Variants in NPAS2 observed in about 807,000 individuals in gnomAD.
NPAS2 encodes neuronal PAS domain-containing protein 2.
A neutral mutation model predicts 107.5 loss-of-function variants in NPAS2; 23 were observed. The observed-to-expected ratio is 0.21, with a 90% confidence interval of 0.15 to 0.30. NPAS2 has a LOEUF of 0.30. NPAS2 is among the 10% of genes least tolerant of loss of function. The pLI, the probability that NPAS2 is intolerant of heterozygous loss-of-function variation, is 1.00. For missense variants in NPAS2, 756 were observed against 1,043.3 expected (o/e 0.72, Z 3.79); for synonymous variants, 403 against 417.5 (o/e 0.97, Z 0.42).
chr2:100,978,526 A>AAAAGAAAGAAAGAAAGAAAGAAAG (rs137857480), intron 15 of NPAS2, among the ~76,000 whole-genome samples: 1 of 151,520 alleles, frequency 6.6e-6, no homozygotes, highest in African/African-American at 2.4e-5. Context: ...TGTTTAAAAA[A>AAAAGAAAGAAAGAAAGAAAGAAAG]AAAGAAAGAA....
rs929702367 is a variant in NPAS2, at chr2:100,820,468, G to T, written c.-23+54G>T. On this transcript the variant is annotated intron_variant, in intron 1 of 20. Transcript: ENST00000335681. The surrounding 1 kb of genome is among the most constrained non-coding windows in gnomAD (Gnocchi z 5.6). ...GACCCAGGGTGGGTAGTACGTGCGC[G>T]CGGGGTCGCAGGACTCGGTCACCTG... 1 of 151,730 alleles carries T rather than the reference G, an allele frequency of 6.6e-6. No homozygotes were observed. Among genetic ancestry groups the T allele is most frequent in the African/African-American group, 2.4e-5 (1 of 41,368 alleles). The allele number at this position is 151,730 out of a possible 1,614,324, so 9.4% of individuals were successfully genotyped here. A position where few individuals can be genotyped will look rare whatever the true frequency, so the allele number is the denominator to read the frequency against.
chr2:100,936,979 CAAAAA>C (rs34968729), intron 4 of NPAS2, among the ~76,000 whole-genome samples: 1 of 74,650 alleles, frequency 1.3e-5, no homozygotes, highest in Non-Finnish European at 2.7e-5. Context: ...GACTCCATCT[CAAAAA>C]AAAAAAAAAA....
At chr2:100,856,355 C>T (rs1349393031) in intron 1 of NPAS2, among the ~76,000 whole-genome samples, 2 of 152,196 alleles carry the variant, frequency 1.3e-5, no homozygotes, top group African/African-American at 4.8e-5. Flanking sequence ...CATTCCCGAG[C>T]ACAGGCTCCC....
chr2:100,824,397 C>T (rs904903173), intron 1 of NPAS2, among the ~76,000 whole-genome samples: 3 of 152,194 alleles, frequency 2.0e-5, no homozygotes, highest in Non-Finnish European at 4.4e-5. Flanking sequence ...TTTCTTGGTA[C>T]TTAAGCTGTA....
chr2:100,928,049 C>T (rs1313049832), intron 3 of NPAS2, among the ~76,000 whole-genome samples: 7 of 152,060 alleles, frequency 4.6e-5, no homozygotes, highest in Admixed American at 1.3e-4. Flanking sequence ...AAAGAGGGTG[C>T]GGCTGGGACA....
At chr2:100,924,422 G>A (rs1313864409) in intron 2 of NPAS2, among the ~76,000 whole-genome samples, 1 of 152,230 alleles carries the variant, frequency 6.6e-6, no homozygotes, top group Non-Finnish European at 1.5e-5. Context: ...TCTTTGTGCT[G>A]TCTCTGTAGT....
chr2:100,819,754 C>T (rs1675939533), upstream of NPAS2, among the ~76,000 whole-genome samples: 1 of 151,704 alleles, frequency 6.6e-6, no homozygotes, highest in Non-Finnish European at 1.5e-5. This position sits in a 1 kb window ranked among gnomAD's most constrained non-coding sequence, Gnocchi z 5.8. Context: ...CTCTAGTCCA[C>T]TTGCCTCTCC....
At chr2:100,969,172 CCTTT>C (rs1676402064) in intron 11 of NPAS2, among the ~76,000 whole-genome samples, 1 of 151,552 alleles carries the variant, frequency 6.6e-6, no homozygotes, top group Non-Finnish European at 1.5e-5. Context: ...GGACAGCATG[CCTTT>C]CTTTTTTTTT....
intron 1 of NPAS2, among the ~76,000 whole-genome samples, chr2:100,896,888 T>C (rs1379223796): frequency 6.6e-6 from 1 of 152,098 alleles, no homozygotes; most frequent in Admixed American, 6.6e-5. Flanking sequence ...CTAATATGGG[T>C]AAGGAGCTTG....
At chr2:100,821,314 C>A in intron 1 of NPAS2, 1 of 894,494 alleles carries the variant, frequency 1.1e-6, no homozygotes. Flanking sequence ...TCTAAACACT[C>A]CCGAGCTTGT....
At chr2:100,985,564 C>G (rs1677732139) in intron 16 of NPAS2, 1 of 152,370 alleles carries the variant, frequency 6.6e-6, no homozygotes, top group South Asian at 2.1e-4. Context: ...TATGTTTATT[C>G]ATTCATACAT....
intron 1 of NPAS2, among the ~76,000 whole-genome samples, chr2:100,899,097 G>T (rs996651869): frequency 2.0e-5 from 3 of 152,190 alleles, no homozygotes; most frequent in African/African-American, 7.2e-5. Context: ...GCAGAGCCAA[G>T]GGGTGTCTAA....
At chr2:100,975,769 G>A (rs1676950017) in intron 14 of NPAS2, 7 of 481,362 alleles carry the variant, frequency 1.5e-5, no homozygotes, top group South Asian at 9.8e-5. Flanking sequence ...TAACATGGAT[G>A]CATATCCATT....
intron 19 of NPAS2, among the ~76,000 whole-genome samples, chr2:100,991,791 G>A (rs948791835): frequency 1.3e-5 from 2 of 152,218 alleles, no homozygotes; most frequent in Non-Finnish European, 2.9e-5. Flanking sequence ...GGGCTTTAAA[G>A]GGGTTAGATT....
At chr2:100,890,541 A>G (rs1240614489) in intron 1 of NPAS2, among the ~76,000 whole-genome samples, 3 of 151,960 alleles carry the variant, frequency 2.0e-5, no homozygotes, top group African/African-American at 7.3e-5. Context: ...GCCCAAATAC[A>G]GTGAGGAGCC....
intron 12 of NPAS2, among the ~76,000 whole-genome samples, chr2:100,974,271 G>A (rs1415508802): frequency 6.6e-6 from 1 of 152,220 alleles, no homozygotes; most frequent in African/African-American, 2.4e-5. Context: ...CATCCTGGGA[G>A]CCAGGGTCAG....
chr2:100,973,025 A>G (rs6543000), intron 12 of NPAS2, among the ~76,000 whole-genome samples: 7,225 of 152,206 alleles, frequency 0.047, 385 homozygotes, highest in South Asian at 0.15. Context: ...CTAAAAATAC[A>G]AAAATTAGCC....
intron 1 of NPAS2, chr2:100,821,305 C>A: frequency 1.0e-6 from 1 of 959,896 alleles, no homozygotes. Flanking sequence ...TCCACAAAGT[C>A]TAAACACTCC....
intron 1 of NPAS2, among the ~76,000 whole-genome samples, chr2:100,826,661 C>T (rs1392878138): frequency 1.3e-5 from 2 of 152,022 alleles, no homozygotes; most frequent in East Asian, 3.9e-4. Context: ...GTATTAACTT[C>T]CTTATCTGTA....
Sources: gnomAD v4.1 joint callset for allele counts (sites outside exome capture counted in the v4.1 genomes callset) on GRCh38, gnomAD v4.1.1 for gene constraint, Gnocchi (gnomAD v3.1) non-coding constraint, MANE v1.5 for transcripts, NCBI Gene and HGNC (gene_info 2026-07-23, HGNC 2026-07-21) for gene names.